The following KSR2 variants were observed in gnomAD, a reference collection of about 807,000 sequenced individuals.
The protein encoded by KSR2 is kinase suppressor of ras 2.
Under a neutral mutation model 107.8 loss-of-function variants are expected in KSR2, and 25 were observed. The ratio of observed to expected loss-of-function variants is 0.23; its 90% CI spans 0.17 to 0.32. The LOEUF is 0.32. Ranked by LOEUF, KSR2 falls within the 10% of genes least tolerant of loss-of-function variation. The pLI is 1.00. For missense variants in KSR2, 887 were observed against 1,268.9 expected, an observed-to-expected ratio of 0.70 and a Z score of 4.57; for synonymous variants, 480 against 507.0, an observed-to-expected ratio of 0.95 and a Z score of 0.71.
At chr12:117,503,767 G>A (rs892286708) in intron 14 of KSR2, among the ~76,000 whole-genome samples, 6 of 152,180 alleles carry the variant, frequency 3.9e-5, no homozygotes, top group African/African-American at 1.4e-4. Flanking sequence ...TGACAATTAT[G>A]GTTGATTGAT....
At chr12:117,815,869 G>A (rs141988106) in intron 3 of KSR2, among the ~76,000 whole-genome samples, 3,665 of 152,084 alleles carry the variant, frequency 0.024, 125 homozygotes, top group African/African-American at 0.075. Flanking sequence ...CAGCTACTCG[G>A]GAGGCTGAGG....
chr12:117,640,212 TG>T (rs1883293424), intron 5 of KSR2, among the ~76,000 whole-genome samples: 2 of 151,076 alleles, frequency 1.3e-5, no homozygotes, highest in Admixed American at 6.7e-5. Flanking sequence ...AGGAAGCAGA[TG>T]GGGGGTTCCA....
chr12:117,526,267 T>C (rs1382598396), intron 13 of KSR2, among the ~76,000 whole-genome samples: 1 of 152,200 alleles, frequency 6.6e-6, no homozygotes. Flanking sequence ...GGACCCACCT[T>C]ATCAGCATGA....
intron 19 of KSR2, chr12:117,467,752 T>A: frequency 4.7e-6 from 2 of 422,352 alleles, no homozygotes; most frequent in Non-Finnish European, 9.2e-6. Context: ...AAGGAACTCA[T>A]TTATTTTGTT....
intron 5 of KSR2, among the ~76,000 whole-genome samples, chr12:117,653,800 C>T (rs1884003250): frequency 6.6e-6 from 1 of 152,170 alleles, no homozygotes; most frequent in Non-Finnish European, 1.5e-5. Context: ...TGTGTTACTC[C>T]AGTGCATTTA....
At chr12:117,491,426 C>T (rs1375449479) in intron 14 of KSR2, among the ~76,000 whole-genome samples, 1 of 151,996 alleles carries the variant, frequency 6.6e-6, no homozygotes, top group Non-Finnish European at 1.5e-5. Context: ...GTGATGCCCC[C>T]ATCTCGGCCT....
intron 1 of KSR2, among the ~76,000 whole-genome samples, chr12:117,869,241 G>A (rs188545027): frequency 5.9e-5 from 9 of 152,102 alleles, no homozygotes; most frequent in South Asian, 2.1e-4. Flanking sequence ...GTGTGGTGGC[G>A]GGCGCCTATA....
At position 117,907,268 on chromosome 12, in the gene KSR2, T is replaced by A. The variant is rs974402556; in HGVS notation, c.181-46837A>T. Among the ~76,000 whole-genome samples the A allele has an allele frequency of 6.6e-6, 1 of 152,188 alleles. No homozygotes were observed. Among genetic ancestry groups the A allele is most frequent in the Non-Finnish European group, 1.5e-5 (1 of 68,028 alleles). ...GTCTAGATGAGCCATTACACCAAAC[T>A]GCCTTCGTTCTGGATGGGGGCGTCC... On this transcript the variant is annotated intron_variant, in intron 1 of 19. Transcript: ENST00000339824. The surrounding 1 kb of genome is among the most constrained non-coding windows in gnomAD (Gnocchi z 4.3).
At chr12:117,914,680 G>A (rs918723416) in intron 1 of KSR2, among the ~76,000 whole-genome samples, 4 of 152,144 alleles carry the variant, frequency 2.6e-5, no homozygotes, top group South Asian at 2.1e-4. Context: ...GACTACAGGC[G>A]TGTGCCACCA....
In KSR2 at chr12:117,464,895, G is replaced by A. The variant is rs1667378623; in HGVS notation, c.*2304C>T. 1 of 152,294 alleles carries A rather than the reference G, an allele frequency of 6.6e-6. No homozygotes were observed. Among genetic ancestry groups the A allele is most frequent in the African/African-American group, 2.4e-5 (1 of 41,466 alleles). 9.4% of individuals were successfully genotyped at this position (152,294 alleles called of 1,614,324 possible). Reference sequence around the variant, plus strand: ...GAATGAATGGAAAAATCAGCTGTTGGAGATCATGCTAGGCCTTGCCAAAGG... The same window carrying A: ...GAATGAATGGAAAAATCAGCTGTTGAAGATCATGCTAGGCCTTGCCAAAGG... On this transcript the variant is annotated 3_prime_UTR_variant, in exon 20 of 20. Transcript: ENST00000339824.
intron 3 of KSR2, among the ~76,000 whole-genome samples, chr12:117,839,184 C>CTTCA (rs949598015): frequency 3.0e-4 from 46 of 152,360 alleles, no homozygotes; most frequent in Non-Finnish European, 2.6e-4. Context: ...ATTATAAAGG[C>CTTCA]TTCAACCTTC....
At chr12:117,579,677 C>A (rs1189465031) in intron 6 of KSR2, among the ~76,000 whole-genome samples, 2 of 152,186 alleles carry the variant, frequency 1.3e-5, no homozygotes, top group Non-Finnish European at 2.9e-5. Context: ...GAACCATCTC[C>A]CATCACTTGC....
At chr12:117,717,918 G>A (rs1858022819) in intron 4 of KSR2, among the ~76,000 whole-genome samples, 1 of 152,174 alleles carries the variant, frequency 6.6e-6, no homozygotes, top group Non-Finnish European at 1.5e-5. Flanking sequence ...GAGACACAGA[G>A]GGAGGAGGAA....
rs968191641 is a variant in KSR2 at position 117,907,771 on chromosome 12, T to A, written c.181-47340A>T. Among the ~76,000 whole-genome samples the A allele has an allele frequency of 3.3e-5, 5 of 152,162 alleles. No individual in the cohort carries two copies. Among genetic ancestry groups the A allele is most frequent in the African/African-American group, 1.2e-4 (5 of 41,442 alleles). On this transcript the variant is annotated intron_variant, in intron 1 of 19. Coordinates refer to ENST00000339824, the MANE Select transcript of KSR2 (RefSeq NM_173598.6). The surrounding 1 kb of genome is among the most constrained non-coding windows in gnomAD (Gnocchi z 4.3). ...GGGCAATTGTAACCACGTCAATTTT[T>A]TTAGGTTTTTTTTTTCTTTTTTCTT...
At chr12:117,668,700 G>A (rs531121485) in intron 4 of KSR2, among the ~76,000 whole-genome samples, 2 of 152,250 alleles carry the variant, frequency 1.3e-5, no homozygotes, top group East Asian at 1.9e-4. Flanking sequence ...AAAAATGCCC[G>A]TAAGTGAATT....
intron 3 of KSR2, among the ~76,000 whole-genome samples, chr12:117,779,130 C>T (rs1889793352): frequency 6.6e-6 from 1 of 152,162 alleles, no homozygotes; most frequent in African/African-American, 2.4e-5. Context: ...TCAATTTGCT[C>T]AGGTTATCCA....
chr12:117,747,512 G>A (rs1233948133), intron 4 of KSR2, among the ~76,000 whole-genome samples: 1 of 152,094 alleles, frequency 6.6e-6, no homozygotes, highest in Admixed American at 6.6e-5. Context: ...ATGCCAGGTT[G>A]ATAGGTGCAG....
intron 7 of KSR2, among the ~76,000 whole-genome samples, chr12:117,563,248 T>G (rs1297601118): frequency 6.6e-6 from 1 of 152,212 alleles, no homozygotes; most frequent in Non-Finnish European, 1.5e-5. Flanking sequence ...ATGCAAATTT[T>G]AAGCAAGCAC....
chr12:117,522,499 G>A (rs1345700201), intron 14 of KSR2, among the ~76,000 whole-genome samples: 1 of 152,068 alleles, frequency 6.6e-6, no homozygotes, highest in Non-Finnish European at 1.5e-5. Flanking sequence ...GATATATACT[G>A]GGTAAGAAAG....
Sources: gnomAD v4.1 joint callset for allele counts (sites outside exome capture counted in the v4.1 genomes callset) on GRCh38, gnomAD v4.1.1 for gene constraint, Gnocchi (gnomAD v3.1) non-coding constraint, MANE v1.5 for transcripts, NCBI Gene and HGNC (gene_info 2026-07-23, HGNC 2026-07-21) for gene names.